PLEKHJ1: variants seen among roughly 807,000 people sequenced by gnomAD.
The protein encoded by PLEKHJ1 is pleckstrin homology domain containing J1, also known as pleckstrin homology domain-containing family J member 1.
In PLEKHJ1, 20 loss-of-function variants were observed where a neutral mutation model predicts 21.7. The observed-to-expected ratio is 0.92, with a 90% CI of 0.65 to 1.34. PLEKHJ1 has a LOEUF of 1.34. Ranked by LOEUF, PLEKHJ1 falls within the 40% of genes most tolerant of loss-of-function variation. The pLI is 0.00. For missense variants in PLEKHJ1, 241 were observed against 202.0 expected (o/e 1.19, Z -1.17); for synonymous variants, 113 against 80.6 (o/e 1.40, Z -2.15).
chr19:2,232,282 CCTTAA>C (rs2024635849), downstream of PLEKHJ1: 1 of 216,632 alleles, frequency 4.6e-6, no homozygotes. Flanking sequence ...AAGACTTCCC[CCTTAA>C]TTTATCTGCC....
At chr19:2,230,213 G>C, downstream of PLEKHJ1, 1 of 422,362 alleles carries the variant, frequency 2.4e-6, no homozygotes, top group Non-Finnish European at 4.2e-6. Flanking sequence ...GTGCTGACTA[G>C]ACGCTGACAA....
downstream of PLEKHJ1, chr19:2,230,507 G>A (rs556520117): frequency 8.8e-5 from 35 of 398,828 alleles, no homozygotes; most frequent in South Asian, 3.0e-3. Flanking sequence ...TGAGGACGGC[G>A]CGGGCACGTT....
Position 2,234,138 on chromosome 19 carries a change from G to T in PLEKHJ1, c.320+12C>A, listed in dbSNP as rs1463058164. 5.0e-6 allele frequency: 8 copies of T among 1,611,956 alleles called. No homozygotes were observed. The South Asian group carries it at 5.5e-5, about 11-fold the overall frequency. On this transcript the variant is annotated intron_variant, in intron 4 of 5. Transcript: ENST00000326631. Reference sequence around the variant, plus strand: ...GCCCACCCCAGCAGTGCCCACCACCGCCTGGCCCCACCTGGCCCGACGCAG... The same window carrying T: ...GCCCACCCCAGCAGTGCCCACCACCTCCTGGCCCCACCTGGCCCGACGCAG...
intron 1 of PLEKHJ1, 70 bp downstream of exon 1, chr19:2,236,085 C>A: frequency 7.1e-7 from 1 of 1,400,700 alleles, no homozygotes; most frequent in Non-Finnish European, 9.3e-7. Flanking sequence ...CGGCCTCCGG[C>A]ACCCCCGCCC....
rs1356757622 is a variant in PLEKHJ1 at position 2,233,808 on chromosome 19, T to C, written c.*32A>G. 3 of 1,567,812 alleles carry C rather than the reference T, an allele frequency of 1.9e-6. No homozygotes were observed. Among genetic ancestry groups the C allele is most frequent in the South Asian group, 1.1e-5 (1 of 87,984 alleles). On this transcript the variant is annotated 3_prime_UTR_variant, in exon 6 of 6. Coordinates refer to ENST00000326631, the MANE Select transcript of PLEKHJ1 (RefSeq NM_018049.3). ...TCATGGCTGGGCAGGGCCAGTCCCGTCCCGCTGCACGCTGACCACCGTGCC... is the reference window on the plus strand; with the variant it reads ...TCATGGCTGGGCAGGGCCAGTCCCGCCCCGCTGCACGCTGACCACCGTGCC...
chr19:2,232,331 G>A (rs1260005757), downstream of PLEKHJ1: 1 of 217,446 alleles, frequency 4.6e-6, no homozygotes, highest in Admixed American at 5.8e-5. Context: ...GTGGTCAGCA[G>A]GCCCCCCACC....
rs377766232 is a variant in PLEKHJ1, at chr19:2,234,137, C to A, written c.320+13G>T. The stretch of plus-strand genomic sequence containing the variant: ...TGCCCACCCCAGCAGTGCCCACCAC[C>A]GCCTGGCCCCACCTGGCCCGACGCA... On this transcript the variant is annotated intron_variant, in intron 4 of 5. Transcript: ENST00000326631. 9.3e-6 allele frequency: 15 copies of A among 1,612,218 alleles called. No individual in the cohort carries two copies. In the South Asian group the frequency reaches 1.4e-4, roughly 15 times the overall value.
At chr19:2,235,408 T>G in intron 3 of PLEKHJ1, 1 of 253,298 alleles carries the variant, frequency 3.9e-6, no homozygotes, top group Non-Finnish European at 7.5e-6. Flanking sequence ...CACCTGGGAT[T>G]TCCAGCCCGG....
At chr19:2,232,546 G>A (rs1306604513), downstream of PLEKHJ1, 2 of 213,072 alleles carry the variant, frequency 9.4e-6, no homozygotes, top group Non-Finnish European at 1.9e-5. Context: ...CCCACCTCTA[G>A]ACGCTGTAAT....
At chr19:2,231,461 G>A (rs142443226), downstream of PLEKHJ1, 225 of 205,820 alleles carry the variant, frequency 1.1e-3, no homozygotes, top group Non-Finnish European at 1.7e-3. Context: ...GAAGACCCCT[G>A]CTTGTGCCTG....
At chr19:2,234,517 C>T (rs962335980) in intron 3 of PLEKHJ1, 9 of 401,690 alleles carry the variant, frequency 2.2e-5, no homozygotes, top group African/African-American at 1.6e-4. Flanking sequence ...TCGAGACCAG[C>T]CTGGGTGACA....
downstream of PLEKHJ1, chr19:2,231,181 C>T (rs944431409): frequency 8.8e-6 from 2 of 227,688 alleles, no homozygotes; most frequent in African/African-American, 2.2e-5. Flanking sequence ...AGGATGGGAT[C>T]TGGGAGTCTG....
rs1437763249 is a variant in PLEKHJ1, at chr19:2,236,144, G to A, written c.94+11C>T. 2.7e-6 allele frequency: 4 copies of A among 1,472,078 alleles called. No homozygotes were observed. Among genetic ancestry groups the A allele is most frequent in the Non-Finnish European group, 2.7e-6 (3 of 1,113,722 alleles). 91.2% of individuals were successfully genotyped at this position (1,472,078 alleles called of 1,614,324 possible). A position where few individuals can be genotyped will look rare whatever the true frequency, so the allele number is the denominator to read the frequency against. On this transcript the variant is annotated intron_variant, in intron 1 of 5. Transcript: ENST00000326631. ...CCCTGGCACTGTCTCGGTCTCCCGG[G>A]TCCCGCTCACCGCTGCCCTTCTTGG...
At position 2,233,953 on chromosome 19, in the gene PLEKHJ1, T is replaced by C. The variant is rs564258889; in HGVS notation, c.384+45A>G. 3.7e-5 allele frequency: 60 copies of C among 1,611,614 alleles called. No individual in the cohort carries two copies. The South Asian group carries it at 6.4e-4, about 17-fold the overall frequency. On this transcript the variant is annotated intron_variant, in intron 5 of 5. Transcript: ENST00000326631. Reference sequence around the variant, plus strand: ...TGAGCCAGGGCTGGAGGACTGCCTCTGCCACCTGCAGCCCCACCCCGGCCC... The same window carrying C: ...TGAGCCAGGGCTGGAGGACTGCCTCCGCCACCTGCAGCCCCACCCCGGCCC...
In PLEKHJ1 at chr19:2,233,858, C is replaced by T. The variant is rs2024694904; in HGVS notation, c.432G>A (p.Leu144=). 6 of 1,611,068 alleles carry T rather than the reference C, an allele frequency of 3.7e-6. No individual in the cohort carries two copies. The Admixed American group carries it at 5.0e-5, about 13-fold the overall frequency. The part of the protein sequence containing the change: ...FGISEEARFQ[L]SGLQA ...CCTGCGCTCACGCCTGCAAGCCACT[C>T]AGCTGGAACCTGGCCTCCTCGGATA... is the stretch of plus-strand genomic sequence containing the variant. The change falls in exon 6 of 6, where the codon CTG becomes CTA. Residue 144 remains leucine, a synonymous_variant. Coordinates refer to ENST00000326631, the MANE Select transcript of PLEKHJ1 (RefSeq NM_018049.3).
chr19:2,230,753 A>G, downstream of PLEKHJ1: 1 of 397,194 alleles, frequency 2.5e-6, no homozygotes, highest in Non-Finnish European at 4.4e-6. Flanking sequence ...GAGGGGAAAA[A>G]ACCTTATTTA....
At chr19:2,232,681 G>C (rs558763237), downstream of PLEKHJ1, 53 of 180,122 alleles carry the variant, frequency 2.9e-4, 1 homozygote, top group African/African-American at 1.2e-3. Context: ...GGGAGTGGAG[G>C]GCCTAGGGGT....
At chr19:2,230,498 G>T, downstream of PLEKHJ1, 2 of 398,972 alleles carry the variant, frequency 5.0e-6, no homozygotes. Flanking sequence ...ATGGTGCTGT[G>T]AGGACGGCGC....
chr19:2,234,039 G>C lies in PLEKHJ1; in HGVS notation c.343C>G (p.Leu115Val), dbSNP rs746364344. 1 of 1,613,530 alleles carries C rather than the reference G, an allele frequency of 6.2e-7. No homozygotes were observed. The highest frequency in any genetic ancestry group is 8.5e-7 in the Non-Finnish European group (1 of 1,180,006). ...RASYEFMRRS[L>V]IFYRNEIRKV... ...CGGATTTCGTTCCTGTAGAAGATGA[G>C]GCTTCTCCGCATGAACTCGTAGCTG... The change falls in exon 5 of 6, where the codon CTC becomes GTC. Residue 115 changes from leucine (L) to valine (V), a missense_variant. Transcript: ENST00000326631.
Sources: allele counts gnomAD v4.1 joint callset, GRCh38; gene constraint gnomAD v4.1.1; transcripts MANE v1.5; gene names NCBI Gene and HGNC (gene_info 2026-07-23, HGNC 2026-07-21).